The following GRIN2A variants were observed in gnomAD, a reference collection of about 807,000 sequenced individuals.
The protein encoded by GRIN2A is glutamate receptor ionotropic, NMDA 2A.
A neutral mutation model predicts 113.4 loss-of-function variants in GRIN2A; 22 were observed. The ratio of observed to expected loss-of-function variants is 0.19; its 90% CI spans 0.14 to 0.28. The LOEUF is 0.28. Ranked by LOEUF, GRIN2A falls within the 10% of genes least tolerant of loss-of-function variation. The pLI is 1.00. For missense variants in GRIN2A, 1,502 were observed against 1,887.0 expected (o/e 0.80, Z 3.78); for synonymous variants, 827 against 738.4 (o/e 1.12, Z -1.94).
At position 10,180,726 on chromosome 16, in the gene GRIN2A, C is replaced by A; in HGVS notation, c.-18-297G>T. 1.9e-6 allele frequency: 1 copy of A among 530,760 alleles called. No homozygotes were observed. The allele number at this position is 530,760 out of a possible 1,614,324, so 32.9% of individuals were successfully genotyped here. On this transcript the variant is annotated intron_variant, in intron 1 of 12. Transcript: ENST00000330684. The surrounding 1 kb of genome is among the most constrained non-coding windows in gnomAD (Gnocchi z 7.0). ...CCATCCCCATCTCTGTCCATATCCC[C>A]CACCGCATTCCCCAAGTTCGCCGCG...
intron 11 of GRIN2A, among the ~76,000 whole-genome samples, chr16:9,776,696 T>C (rs1901624982): frequency 6.6e-6 from 1 of 152,150 alleles, no homozygotes; most frequent in South Asian, 2.1e-4. Context: ...GCTGCTGATC[T>C]CATTCGGGTT....
intron 2 of GRIN2A, among the ~76,000 whole-genome samples, chr16:9,956,260 T>C (rs1239051311): frequency 2.0e-5 from 3 of 152,214 alleles, no homozygotes; most frequent in Non-Finnish European, 4.4e-5. Context: ...TGTTTTAACT[T>C]AAAAAATTTT....
intron 2 of GRIN2A, among the ~76,000 whole-genome samples, chr16:9,969,829 A>G (rs1188981019): frequency 6.6e-6 from 1 of 152,224 alleles, no homozygotes; most frequent in Non-Finnish European, 1.5e-5. Flanking sequence ...ACAAATAATT[A>G]TCTAGCCCAA....
chr16:9,875,458 T>C (rs2043345614), intron 4 of GRIN2A, among the ~76,000 whole-genome samples: 1 of 152,150 alleles, frequency 6.6e-6, no homozygotes, highest in African/African-American at 2.4e-5. Flanking sequence ...AACCAAACTG[T>C]AGCTACAGAG....
rs987362569 is a variant in GRIN2A, at chr16:9,760,033, G to C, written c.*3116C>G. On this transcript the variant is annotated 3_prime_UTR_variant, in exon 13 of 13. Transcript: ENST00000330684. Reference sequence around the variant, plus strand: ...AGGACTAGTTGGGTCCTTCTCAAGTGGGGAAAACCAATTAGAATTAACAAA... The same window carrying C: ...AGGACTAGTTGGGTCCTTCTCAAGTCGGGAAAACCAATTAGAATTAACAAA... 28 of 230,068 alleles carry C rather than the reference G, an allele frequency of 1.2e-4. No individual in the cohort carries two copies. Among genetic ancestry groups the C allele is most frequent in the Non-Finnish European group, 2.2e-4 (26 of 116,140 alleles). The allele number at this position is 230,068 out of a possible 1,614,324, so 14.3% of individuals were successfully genotyped here.
intron 2 of GRIN2A, among the ~76,000 whole-genome samples, chr16:10,024,939 C>G (rs1437903406): frequency 6.6e-6 from 1 of 151,770 alleles, no homozygotes; most frequent in Non-Finnish European, 1.5e-5. Context: ...CAAAATAATC[C>G]AAAATTTAAA....
At chr16:9,904,052 T>C (rs1411782064) in intron 3 of GRIN2A, among the ~76,000 whole-genome samples, 1 of 152,196 alleles carries the variant, frequency 6.6e-6, no homozygotes, top group Non-Finnish European at 1.5e-5. Flanking sequence ...AGTTCAGTTT[T>C]AAATCCACAA....
chr16:10,011,903 C>G (rs1439811826), intron 2 of GRIN2A, among the ~76,000 whole-genome samples: 1 of 152,168 alleles, frequency 6.6e-6, no homozygotes, highest in African/African-American at 2.4e-5. Flanking sequence ...TAGTTTCACC[C>G]TATAACTCTT....
At chr16:10,127,899 T>G (rs1209079058) in intron 2 of GRIN2A, among the ~76,000 whole-genome samples, 1 of 68,852 alleles carries the variant, frequency 1.5e-5, no homozygotes, top group African/African-American at 4.0e-5. Context: ...TAGGAGTGTT[T>G]TTTTGCTTGT....
At chr16:9,806,741 G>A (rs1244181700) in intron 10 of GRIN2A, among the ~76,000 whole-genome samples, 2 of 131,880 alleles carry the variant, frequency 1.5e-5, no homozygotes, top group Non-Finnish European at 3.3e-5. Context: ...TAAAAAGTGA[G>A]ATATATTGCA....
In GRIN2A at chr16:10,180,399, C is replaced by T. The variant is rs1389308491; in HGVS notation, c.13G>A (p.Gly5Ser). The T allele has an allele frequency of 6.2e-7, 1 of 1,606,354 alleles. No homozygotes were observed. Among genetic ancestry groups the T allele is most frequent in the Non-Finnish European group, 8.5e-7 (1 of 1,179,812 alleles). Residue 5 changes from glycine to serine, a missense_variant, in exon 2 of 13, where the codon GGC (glycine) becomes AGC (serine). This residue lies in a region of GRIN2A where 149 missense variants were observed against 179.1 expected (regional missense o/e 0.83). Transcript: ENST00000330684. The surrounding 1 kb of genome is among the most constrained non-coding windows in gnomAD (Gnocchi z 7.0). MGRVGYWTLLVLPAL... is the reference protein window; with the variant it reads MGRVSYWTLLVLPAL... Reference sequence around the variant, plus strand: ...GGCAGCACCAGCAGGGTCCAATAGCCCACTCTGCCCATAGTCGCCACTGAC... The same window carrying T: ...GGCAGCACCAGCAGGGTCCAATAGCTCACTCTGCCCATAGTCGCCACTGAC...
At chr16:9,936,508 G>A (rs1005327887) in intron 3 of GRIN2A, among the ~76,000 whole-genome samples, 8 of 152,194 alleles carry the variant, frequency 5.3e-5, no homozygotes, top group African/African-American at 1.7e-4. Flanking sequence ...GGAATAAAGC[G>A]TGGATTAAAT....
intron 2 of GRIN2A, among the ~76,000 whole-genome samples, chr16:10,113,606 G>C (rs2048669180): frequency 6.6e-6 from 1 of 152,206 alleles, no homozygotes; most frequent in Non-Finnish European, 1.5e-5. Flanking sequence ...TGCTTACAGA[G>C]ATTTTGATAG....
chr16:10,093,908 G>C (rs1356483947), intron 2 of GRIN2A, among the ~76,000 whole-genome samples: 1 of 152,214 alleles, frequency 6.6e-6, no homozygotes, highest in African/African-American at 2.4e-5. Flanking sequence ...TCACCAGAGA[G>C]CCCACGTAGT....
rs180979587 is a variant in GRIN2A, at chr16:10,133,470, G to A, written c.414+46528C>T. Reference sequence around the variant, plus strand: ...AAAAATACAAAAATTAGCCAGGCACGGTGCTGTGCACCCATAATCCCAGCT... The same window carrying A: ...AAAAATACAAAAATTAGCCAGGCACAGTGCTGTGCACCCATAATCCCAGCT... On this transcript the variant is annotated intron_variant, in intron 2 of 12. Transcript: ENST00000330684. 2.3e-3 allele frequency among the ~76,000 whole-genome samples: 349 copies of A among 152,282 alleles called. 1 individual carries two copies. The highest frequency in any genetic ancestry group is 3.1e-3 in the Admixed American group (47 of 15,294).
At chr16:9,990,624 C>T (rs991091704) in intron 2 of GRIN2A, among the ~76,000 whole-genome samples, 1 of 150,960 alleles carries the variant, frequency 6.6e-6, no homozygotes. Flanking sequence ...AATGCTGCCT[C>T]TAGATACTGA....
At position 9,764,013 on chromosome 16, in the gene GRIN2A, C is replaced by A. The variant is rs777800482; in HGVS notation, c.3531G>T (p.Gly1177=). The A allele has an allele frequency of 3.6e-5, 58 of 1,614,022 alleles. No homozygotes were observed. The highest frequency in any genetic ancestry group is 4.8e-5 in the Non-Finnish European group (57 of 1,180,022). The change falls in exon 13 of 13, where the codon GGG becomes GGT. Residue 1177 remains glycine, a synonymous_variant. Transcript: ENST00000330684. ...GTTTATACTGGTCGTTGTTGGAAAG[C>A]CCCTCTTCATTATGCAAGGGGTTCC... is the stretch of plus-strand genomic sequence containing the variant. ...MNRNPLHNEE[G]LSNNDQYKLY... is the part of the protein sequence containing the mutation.
chr16:10,051,721 G>A (rs2047363504), intron 2 of GRIN2A, among the ~76,000 whole-genome samples: 1 of 152,176 alleles, frequency 6.6e-6, no homozygotes, highest in Non-Finnish European at 1.5e-5. Flanking sequence ...AAAATACCAG[G>A]AACGGTCACC....
chr16:9,759,800 G>A lies in GRIN2A; in HGVS notation c.*3349C>T. On this transcript the variant is annotated 3_prime_UTR_variant, in exon 13 of 13. Transcript: ENST00000330684. ...CAGAAAGATAGACCTATAGGGACTT[G>A]CCAGCTCAGAGCATTGAAACCATAA... is the stretch of plus-strand genomic sequence containing the variant. 1 of 228,790 alleles carries A rather than the reference G, an allele frequency of 4.4e-6. No individual in the cohort carries two copies. Among genetic ancestry groups the A allele is most frequent in the Non-Finnish European group, 8.7e-6 (1 of 115,318 alleles). 14.2% of individuals were successfully genotyped at this position (228,790 alleles called of 1,614,324 possible). A position where few individuals can be genotyped will look rare whatever the true frequency, so the allele number is the denominator to read the frequency against.
Sources: gnomAD v4.1 joint callset for allele counts (sites outside exome capture counted in the v4.1 genomes callset) on GRCh38, gnomAD v4.1.1 for gene constraint, gnomAD v4.1.1 regional missense constraint, Gnocchi (gnomAD v3.1) non-coding constraint, MANE v1.5 for transcripts, NCBI Gene and HGNC (gene_info 2026-07-23, HGNC 2026-07-21) for gene names.